The following RFX4 variants were observed in gnomAD, a reference collection of about 807,000 sequenced individuals.
RFX4 encodes the protein transcription factor RFX4.
In RFX4, 10 loss-of-function variants were observed where a neutral mutation model predicts 95.0. The observed-to-expected ratio is 0.11, with a 90% CI of 0.06 to 0.18. RFX4 has a LOEUF of 0.18. RFX4 is among the 10% of genes least tolerant of loss of function. The probability of loss-of-function intolerance (pLI) is 1.00; values close to 1 mark genes in which losing one functional copy is unlikely to be tolerated. For missense variants in RFX4, 640 were observed against 922.0 expected, an observed-to-expected ratio of 0.69 and a Z score of 3.96; for synonymous variants, 321 against 340.7, an observed-to-expected ratio of 0.94 and a Z score of 0.64.
At chr12:106,610,218 A>AGCC (rs1376160433) in intron 2 of RFX4, among the ~76,000 whole-genome samples, 1 of 148,896 alleles carries the variant, frequency 6.7e-6, no homozygotes, top group Non-Finnish European at 1.5e-5. Flanking sequence ...AGCCTGGGCA[A>AGCC]CAGAGTGAGA....
chr12:106,624,387 C>T (rs370791450), intron 2 of RFX4, among the ~76,000 whole-genome samples: 6 of 152,110 alleles, frequency 3.9e-5, no homozygotes, highest in African/African-American at 1.2e-4. Context: ...CGCAGTGTCG[C>T]GATCTTGGCT....
At chr12:106,659,825 C>T (rs2041036415) in intron 4 of RFX4, among the ~76,000 whole-genome samples, 1 of 152,178 alleles carries the variant, frequency 6.6e-6, no homozygotes, top group Non-Finnish European at 1.5e-5. Flanking sequence ...ACCTCATTTA[C>T]ACAGGATGAG....
At chr12:106,589,223 T>C (rs2039504386) in intron 1 of RFX4, among the ~76,000 whole-genome samples, 1 of 152,132 alleles carries the variant, frequency 6.6e-6, no homozygotes, top group African/African-American at 2.4e-5. Flanking sequence ...AAAAGTGAAG[T>C]TTAAAAAAAG....
intron 3 of RFX4, among the ~76,000 whole-genome samples, chr12:106,641,806 A>T (rs548805172): frequency 2.0e-5 from 3 of 152,284 alleles, no homozygotes; most frequent in East Asian, 1.9e-4. Context: ...TCAGTCATTA[A>T]CTAATTCAAT....
chr12:106,626,990 C>T (rs945231202), intron 2 of RFX4, among the ~76,000 whole-genome samples: 2 of 152,176 alleles, frequency 1.3e-5, no homozygotes, highest in African/African-American at 4.8e-5. Flanking sequence ...TGAGGCTCTT[C>T]CTCTCCTGAG....
intron 7 of RFX4, among the ~76,000 whole-genome samples, chr12:106,691,897 G>A (rs185863893): frequency 2.6e-5 from 4 of 152,142 alleles, no homozygotes; most frequent in Admixed American, 1.3e-4. Context: ...AGTGGCTCAC[G>A]CCTGTAATCC....
chr12:106,646,066 C>A (rs900811410), intron 3 of RFX4: 1 of 678,878 alleles, frequency 1.5e-6, no homozygotes, highest in Non-Finnish European at 2.2e-6. Context: ...AATGGTAAAG[C>A]CATTTGACGG....
In RFX4 at chr12:106,586,383, G is replaced by C. The variant is rs980252408; in HGVS notation, c.43+3020G>C. 6.6e-6 allele frequency among the ~76,000 whole-genome samples: 1 copy of C among 152,148 alleles called. No individual in the cohort carries two copies. Among genetic ancestry groups the C allele is most frequent in the African/African-American group, 2.4e-5 (1 of 41,444 alleles). ...GGGTCCAATCAGGGCTGCTCTGCCC[G>C]GGTGATCGTTGCTCAGTTACTCAAG... is the stretch of plus-strand genomic sequence containing the variant. On this transcript the variant is annotated intron_variant, in intron 1 of 17. Coordinates refer to ENST00000392842, the MANE Select transcript of RFX4 (RefSeq NM_213594.3). The surrounding 1 kb of genome is among the most constrained non-coding windows in gnomAD (Gnocchi z 5.6).
intron 1 of RFX4, among the ~76,000 whole-genome samples, chr12:106,587,895 T>TC (rs1354230681): frequency 6.6e-6 from 1 of 152,102 alleles, no homozygotes; most frequent in Admixed American, 6.5e-5. Flanking sequence ...TTCTGATTTT[T>TC]CCCCCCTTTT....
At position 106,720,896 on chromosome 12, in the gene RFX4, C is replaced by T. The variant is rs942696530; in HGVS notation, c.1351+20C>T. The stretch of plus-strand genomic sequence containing the variant: ...GCTTCGGTAAGGCCACCCCAGCCCT[C>T]CCCATCTCCAAGCACTTTTTCCTCT... On this transcript the variant is annotated intron_variant, in intron 13 of 17. Transcript: ENST00000392842. This position sits in a 1 kb window ranked among gnomAD's most constrained non-coding sequence, Gnocchi z 4.2. 1.2e-6 allele frequency: 2 copies of T among 1,605,520 alleles called. No homozygotes were observed. Among genetic ancestry groups the T allele is most frequent in the Admixed American group, 3.3e-5 (2 of 60,008 alleles).
chr12:106,635,686 T>G (rs77033561), intron 2 of RFX4, among the ~76,000 whole-genome samples: 14,727 of 152,236 alleles, frequency 0.097, 936 homozygotes, highest in Middle Eastern at 0.14. Context: ...AGTTGGGTTG[T>G]GAGGACAAGC....
At chr12:106,648,310 G>A (rs775674189) in intron 3 of RFX4, among the ~76,000 whole-genome samples, 3 of 152,114 alleles carry the variant, frequency 2.0e-5, no homozygotes, top group Non-Finnish European at 1.5e-5. Flanking sequence ...GACAAGGTGT[G>A]TCTCAGGAGC....
intron 3 of RFX4, among the ~76,000 whole-genome samples, chr12:106,640,308 A>C (rs2040595047): frequency 6.6e-6 from 1 of 152,222 alleles, no homozygotes; most frequent in Non-Finnish European, 1.5e-5. Context: ...ATGCTTGCGA[A>C]GAAAGGAAAA....
intron 4 of RFX4, among the ~76,000 whole-genome samples, chr12:106,673,280 C>T (rs139500162): frequency 2.6e-5 from 4 of 152,142 alleles, no homozygotes; most frequent in African/African-American, 7.2e-5. Flanking sequence ...CCCCCTGCTC[C>T]GGCTCCTCCC....
At chr12:106,672,282 A>G (rs1175293463) in intron 4 of RFX4, among the ~76,000 whole-genome samples, 3 of 152,108 alleles carry the variant, frequency 2.0e-5, no homozygotes, top group Non-Finnish European at 4.4e-5. Context: ...CCTAAAGAAG[A>G]ATTCCAACAG....
intron 4 of RFX4, among the ~76,000 whole-genome samples, chr12:106,676,762 T>C (rs1028471559): frequency 6.6e-6 from 1 of 152,160 alleles, no homozygotes; most frequent in Non-Finnish European, 1.5e-5. Flanking sequence ...GTGAGGAGAA[T>C]AGAAGAGAAA....
intron 4 of RFX4, among the ~76,000 whole-genome samples, chr12:106,668,001 A>C (rs1192313771): frequency 1.3e-5 from 2 of 152,216 alleles, no homozygotes; most frequent in Non-Finnish European, 2.9e-5. Flanking sequence ...TCTCTGAGTT[A>C]TTACAAAAAT....
intron 11 of RFX4, among the ~76,000 whole-genome samples, chr12:106,719,555 G>A (rs1046310075): frequency 2.6e-5 from 4 of 152,180 alleles, no homozygotes; most frequent in African/African-American, 9.7e-5. Context: ...CGATAATAAA[G>A]TGCTATGTGA....
At chr12:106,661,154 T>C (rs1170960104) in intron 4 of RFX4, among the ~76,000 whole-genome samples, 1 of 152,158 alleles carries the variant, frequency 6.6e-6, no homozygotes, top group Non-Finnish European at 1.5e-5. Context: ...GGCAGGTCCT[T>C]TTCCCTCTCT....
Sources: allele counts gnomAD v4.1 joint callset (sites outside exome capture counted in the v4.1 genomes callset), GRCh38; gene constraint gnomAD v4.1.1; non-coding constraint Gnocchi (gnomAD v3.1); transcripts MANE v1.5; gene names NCBI Gene and HGNC (gene_info 2026-07-23, HGNC 2026-07-21).